OTOP3: variants seen among roughly 807,000 people sequenced by gnomAD.
OTOP3 encodes the protein proton channel OTOP3.
Under a neutral mutation model 50.8 loss-of-function variants are expected in OTOP3, and 41 were observed. The ratio of observed to expected loss-of-function variants is 0.81; its 90% CI spans 0.63 to 1.05. The LOEUF (loss-of-function observed/expected upper bound fraction) is 1.05, where lower values mean the gene tolerates loss of function less well. OTOP3 is among the 50% of genes least tolerant of loss of function. OTOP3 has a pLI of 0.00. For synonymous variants in OTOP3, 320 were observed against 324.4 expected, an observed-to-expected ratio of 0.99 and a Z score of 0.14; for missense variants, 788 against 760.8, an observed-to-expected ratio of 1.04 and a Z score of -0.42.
chr17:74,943,516 G>T, intron 4 of OTOP3, 90 bp from the exon 5 acceptor site: 3 of 1,396,706 alleles, frequency 2.1e-6, no homozygotes, highest in South Asian at 1.2e-5. Context: ...GGTTGGGAGT[G>T]AGTGGTTGCC....
At chr17:74,948,343 G>C (rs2039249026) in intron 6 of OTOP3, among the ~76,000 whole-genome samples, 1 of 152,142 alleles carries the variant, frequency 6.6e-6, no homozygotes, top group Admixed American at 6.5e-5. Flanking sequence ...GGGCAACACA[G>C]GGAGACCCTG....
intron 3 of OTOP3, 38 bp downstream of exon 3, chr17:74,942,075 T>C (rs374980262): frequency 6.4e-7 from 1 of 1,564,912 alleles, no homozygotes; most frequent in Non-Finnish European, 8.7e-7. Flanking sequence ...ACCGAGGACA[T>C]ACCCTATCTA....
At position 74,941,996 on chromosome 17, in the gene OTOP3, C is replaced by T. The variant is rs201864943; in HGVS notation, c.532C>T (p.Leu178Phe). ...CATCCGCTGCAAGTCACAGCTGGAC[C>T]TTGTCTTCTCTGTCATCGAGATGGT... ...SHIRCKSQLD[L>F]VFSVIEMVFI... Residue 178 changes from leucine to phenylalanine, a missense_variant, in exon 3 of 7, where the codon CTT (leucine) becomes TTT (phenylalanine). Transcript: ENST00000328801. The T allele has an allele frequency of 2.0e-5, 32 of 1,613,550 alleles. No individual in the cohort carries two copies. The Admixed American group carries it at 4.8e-4, about 24-fold the overall frequency.
intron 1 of OTOP3, among the ~76,000 whole-genome samples, chr17:74,936,222 C>A: frequency 9.0e-6 from 1 of 111,576 alleles, no homozygotes; most frequent in Non-Finnish European, 1.9e-5. Flanking sequence ...GCAGAAAGCG[C>A]GGAGGCCTGG....
intron 6 of OTOP3, among the ~76,000 whole-genome samples, chr17:74,948,651 C>G (rs1244033978): frequency 6.6e-6 from 1 of 151,998 alleles, no homozygotes; most frequent in Non-Finnish European, 1.5e-5. Flanking sequence ...CAGAGTGAGA[C>G]TCTGTATCTT....
chr17:74,941,729 TCTA>T lies in OTOP3; in HGVS notation c.360_362del (p.Tyr121del). ...AAGGTCCTCTCCCTGCTTTGGCTTC[TCTA>T]CTATGTGGCAAGCACCACCCGCCGA... On this transcript the variant is annotated inframe_deletion, in exon 2 of 7. Coordinates refer to ENST00000328801, the MANE Select transcript of OTOP3 (RefSeq NM_001272005.2). 2 of 1,614,068 alleles carry T rather than the reference TCTA, an allele frequency of 1.2e-6. No homozygotes were observed. Among genetic ancestry groups the T allele is most frequent in the South Asian group, 1.1e-5 (1 of 91,088 alleles).
chr17:74,935,996 C>A (rs2039111054), intron 1 of OTOP3, 56 bp downstream of exon 1: 1 of 1,535,382 alleles, frequency 6.5e-7, no homozygotes, highest in Admixed American at 2.0e-5. Flanking sequence ...GACACTGGCA[C>A]ATACTACCCA....
At chr17:74,945,158 T>C (rs2039213631) in intron 5 of OTOP3, among the ~76,000 whole-genome samples, 1 of 152,152 alleles carries the variant, frequency 6.6e-6, no homozygotes, top group Non-Finnish European at 1.5e-5. Flanking sequence ...AAAAAATTTC[T>C]GAGCCCAGAC....
rs777943173 is a variant in OTOP3 at position 74,941,451 on chromosome 17, G to A, written c.78G>A (p.Pro26=). 1.6e-4 allele frequency: 255 copies of A among 1,594,880 alleles called. 1 individual carries two copies. Among genetic ancestry groups the A allele is most frequent in the Non-Finnish European group, 1.9e-4 (228 of 1,169,964 alleles). Residue 26 remains proline (P), a synonymous_variant, in exon 2 of 7, where the codon CCG becomes CCA. Transcript: ENST00000328801. Reference sequence around the variant, plus strand: ...AAGCACAGGAGACTGAAGCAGCCCCGGAGAAGGAGAACCGAGTGGATGTGG... The same window carrying A: ...AAGCACAGGAGACTGAAGCAGCCCCAGAGAAGGAGAACCGAGTGGATGTGG... ...SSEAQETEAA[P]EKENRVDVGA... is the part of the protein sequence containing the mutation.
intron 1 of OTOP3, among the ~76,000 whole-genome samples, chr17:74,940,141 A>G (rs957643544): frequency 3.3e-5 from 5 of 149,508 alleles, no homozygotes; most frequent in African/African-American, 1.2e-4. Context: ...ACATACATAT[A>G]TACATATATG....
At chr17:74,948,104 G>A (rs770059945) in intron 6 of OTOP3, among the ~76,000 whole-genome samples, 30 of 151,960 alleles carry the variant, frequency 2.0e-4, no homozygotes, top group Non-Finnish European at 2.8e-4. Context: ...GCTCTAAAGT[G>A]CATTAGGAGC....
At position 74,943,642 on chromosome 17, in the gene OTOP3, G is replaced by C; in HGVS notation, c.669G>C (p.Leu223=). 1 of 1,613,652 alleles carries C rather than the reference G, an allele frequency of 6.2e-7. No homozygotes were observed. The highest frequency in any genetic ancestry group is 8.5e-7 in the Non-Finnish European group (1 of 1,179,992). ...TGCTGACCCTGGCCACAAACCTGCT[G>C]CTGTGGGTTCTGGCCGTTACCAATG... is the stretch of plus-strand genomic sequence containing the variant. ...GLMLTLATNL[L]LWVLAVTNDS... The change falls in exon 5 of 7, where the codon CTG becomes CTC. Residue 223 remains leucine, a synonymous_variant. Coordinates refer to ENST00000328801, the MANE Select transcript of OTOP3 (RefSeq NM_001272005.2).
intron 5 of OTOP3, among the ~76,000 whole-genome samples, chr17:74,945,886 A>T (rs183388358): frequency 1.3e-5 from 2 of 152,196 alleles, no homozygotes; most frequent in African/African-American, 2.4e-5. Flanking sequence ...TTCCAGGCTC[A>T]AGTGATCCTC....
At position 74,941,504 on chromosome 17, in the gene OTOP3, G is replaced by A. The variant is rs765650935; in HGVS notation, c.131G>A (p.Arg44Gln). The change falls in exon 2 of 7, where the codon CGG becomes CAG. Residue 44 changes from arginine (R) to glutamine (Q), a missense_variant. Transcript: ENST00000328801. Reference protein sequence around the residue: ...VGAEERAAATRPRQKSWLVRH... With the variant: ...VGAEERAAATQPRQKSWLVRH... The stretch of plus-strand genomic sequence containing the variant: ...GCCGAGGAGAGAGCGGCCGCCACCC[G>A]GCCCCGGCAGAAGTCCTGGCTGGTG... 1.2e-5 allele frequency: 20 copies of A among 1,613,174 alleles called. No individual in the cohort carries two copies. The highest frequency in any genetic ancestry group is 4.0e-5 in the African/African-American group (3 of 74,904).
At chr17:74,939,545 C>G (rs1330834715) in intron 1 of OTOP3, among the ~76,000 whole-genome samples, 2 of 152,012 alleles carry the variant, frequency 1.3e-5, no homozygotes, top group Non-Finnish European at 2.9e-5. Flanking sequence ...AAGGAGTGTC[C>G]GGTGGGGAGA....
At chr17:74,942,310 T>C (rs1169526153) in intron 3 of OTOP3, among the ~76,000 whole-genome samples, 1 of 152,170 alleles carries the variant, frequency 6.6e-6, no homozygotes, top group Non-Finnish European at 1.5e-5. Flanking sequence ...GGATATACAC[T>C]CCCTACATGT....
intron 1 of OTOP3, among the ~76,000 whole-genome samples, chr17:74,938,567 A>C (rs1396599912): frequency 1.3e-5 from 2 of 152,154 alleles, no homozygotes; most frequent in African/African-American, 4.8e-5. Flanking sequence ...AAGTGCAGCA[A>C]GATGGTATAG....
At chr17:74,944,348 TC>T (rs1371338140) in intron 5 of OTOP3, among the ~76,000 whole-genome samples, 1 of 152,174 alleles carries the variant, frequency 6.6e-6, no homozygotes, top group Non-Finnish European at 1.5e-5. Flanking sequence ...ACCCGCTGCA[TC>T]AGTCACGACA....
intron 5 of OTOP3, among the ~76,000 whole-genome samples, chr17:74,945,536 C>G (rs1417401704): frequency 6.6e-6 from 1 of 152,146 alleles, no homozygotes; most frequent in Non-Finnish European, 1.5e-5. Context: ...TTCCTTGGAA[C>G]GGGAAGTATA....
Sources: gnomAD v4.1 joint callset for allele counts (sites outside exome capture counted in the v4.1 genomes callset) on GRCh38, gnomAD v4.1.1 for gene constraint, MANE v1.5 for transcripts, NCBI Gene and HGNC (gene_info 2026-07-23, HGNC 2026-07-21) for gene names.